The following DEPDC5 variants were observed in gnomAD, a reference collection of about 807,000 sequenced individuals.
DEPDC5 encodes the protein DEP domain containing 5, GATOR1 subcomplex subunit, also known as GATOR1 complex protein DEPDC5.
A neutral mutation model predicts 217.3 loss-of-function variants in DEPDC5; 73 were observed. The observed-to-expected ratio is 0.34, with a 90% CI of 0.28 to 0.41. The LOEUF (loss-of-function observed/expected upper bound fraction) is 0.41. Ranked by LOEUF, DEPDC5 falls within the 10% of genes least tolerant of loss-of-function variation. The probability of loss-of-function intolerance (pLI) is 1.00; values close to 1 mark genes in which losing one functional copy is unlikely to be tolerated. For missense variants in DEPDC5, 1,675 were observed against 2,070.1 expected (o/e 0.81, Z 3.70); for synonymous variants, 733 against 756.7 (o/e 0.97, Z 0.51).
chr22:31,765,180 G>T, intron 5 of DEPDC5, 120 bp downstream of exon 5: 2 of 762,398 alleles, frequency 2.6e-6, no homozygotes, highest in Non-Finnish European at 2.2e-6. Flanking sequence ...TGTGTGGCCT[G>T]CTAGGTGTGG....
chr22:31,858,786 T>C (rs1243564216), intron 32 of DEPDC5: 1 of 152,186 alleles, frequency 6.6e-6, no homozygotes, highest in African/African-American at 2.4e-5. Context: ...TTCTATAAAC[T>C]TTAAGAATTA....
At chr22:31,801,060 A>C (rs528941105) in intron 14 of DEPDC5, among the ~76,000 whole-genome samples, 1 of 151,556 alleles carries the variant, frequency 6.6e-6, no homozygotes, top group Admixed American at 6.6e-5. Flanking sequence ...TCGGAGGCTT[A>C]GGCAGCGGGA....
At chr22:31,768,769 TCTCCCTCC>T in intron 6 of DEPDC5, 37 bp from the exon 7 acceptor site, 1 of 1,490,456 alleles carries the variant, frequency 6.7e-7, no homozygotes, top group Non-Finnish European at 9.3e-7. Context: ...TCTCACCCTC[TCTCCCTCC>T]CTCCCTCTCT....
intron 30 of DEPDC5, 70 bp downstream of exon 30, chr22:31,845,307 G>A (rs2091663466): frequency 6.5e-7 from 1 of 1,535,840 alleles, no homozygotes; most frequent in Admixed American, 2.0e-5. Context: ...CTCTATTAGG[G>A]GCCTCTCATC....
rs376290668 is a variant in DEPDC5 at position 31,848,866 on chromosome 22, G to T, written c.3155+1899G>T. ...ACTTTGCCACTTAGAAATTTCTTCC[G>T]CCAGATACCCTAAATCATCTTCTCA... On this transcript the variant is annotated intron_variant, in intron 31 of 42. Coordinates refer to ENST00000651528, the MANE Select transcript of DEPDC5 (RefSeq NM_001242896.3). Among the ~76,000 whole-genome samples, 3 of 152,070 alleles carry T rather than the reference G, an allele frequency of 2.0e-5. No homozygotes were observed. The South Asian group carries it at 6.2e-4, about 32-fold the overall frequency.
At chr22:31,834,021 A>C (rs1192621103) in intron 25 of DEPDC5, 41 bp downstream of exon 25, 1 of 1,596,210 alleles carries the variant, frequency 6.3e-7, no homozygotes, top group Non-Finnish European at 8.6e-7. Context: ...GTAGACAGGG[A>C]GTGTGGGGTG....
chr22:31,776,742 T>G (rs554609027), intron 7 of DEPDC5, among the ~76,000 whole-genome samples: 1 of 151,390 alleles, frequency 6.6e-6, no homozygotes, highest in East Asian at 2.0e-4. Context: ...CCCATTTAAT[T>G]TTTTGTATTT....
chr22:31,799,094 A>C (rs1601939116), intron 14 of DEPDC5, among the ~76,000 whole-genome samples: 1 of 145,242 alleles, frequency 6.9e-6, no homozygotes, highest in Non-Finnish European at 1.5e-5. Flanking sequence ...GCCAGGCTGG[A>C]GTGCAGTGAT....
chr22:31,870,498 C>T (rs1007165218), intron 33 of DEPDC5, 92 bp from the exon 34 acceptor site: 1 of 1,310,692 alleles, frequency 7.6e-7, no homozygotes, highest in Non-Finnish European at 1.0e-6. Context: ...TTTGTGAATG[C>T]TTACTGAGTG....
chr22:31,804,692 G>A, intron 16 of DEPDC5, 150 bp from the exon 17 acceptor site: 1 of 703,286 alleles, frequency 1.4e-6, no homozygotes, highest in South Asian at 1.8e-5. Flanking sequence ...CGCCCGCCTT[G>A]GCCTCCCAAA....
Position 31,832,743 on chromosome 22 carries a change from G to A in DEPDC5, c.2105-1172G>A, listed in dbSNP as rs905527568. 2.6e-5 allele frequency among the ~76,000 whole-genome samples: 4 copies of A among 152,232 alleles called. No homozygotes were observed. The East Asian group carries it at 7.7e-4, about 29-fold the overall frequency. On this transcript the variant is annotated intron_variant, in intron 24 of 42. Coordinates refer to ENST00000651528, the MANE Select transcript of DEPDC5 (RefSeq NM_001242896.3). ...TACTTATGTTCCTTTTGCATATGTT[G>A]TTTGTCCTTTTCTCATTGGGTTGTT... is the stretch of plus-strand genomic sequence containing the variant.
Position 31,906,655 on chromosome 22 carries a change from T to TTTG in DEPDC5, c.*160_*161insGTT. 1.0e-6 allele frequency: 1 copy of TTTG among 1,003,756 alleles called. No individual in the cohort carries two copies. Among genetic ancestry groups the TTTG allele is most frequent in the Non-Finnish European group, 1.4e-6 (1 of 694,862 alleles). The allele number at this position is 1,003,756 out of a possible 1,614,324, so 62.2% of individuals were successfully genotyped here. A position where few individuals can be genotyped will look rare whatever the true frequency, so the allele number is the denominator to read the frequency against. ...GTTTGTTTGTTTGTTTGTTTGTTTG[T>TTTG]TTTTGGCCCCCACGACAAGTCTTCT... is the stretch of plus-strand genomic sequence containing the variant. On this transcript the variant is annotated 3_prime_UTR_variant, in exon 43 of 43. Coordinates refer to ENST00000651528, the MANE Select transcript of DEPDC5 (RefSeq NM_001242896.3). This position sits in a 1 kb window ranked among gnomAD's most constrained non-coding sequence, Gnocchi z 5.1.
intron 4 of DEPDC5, among the ~76,000 whole-genome samples, chr22:31,764,277 G>A (rs974649576): frequency 6.6e-6 from 1 of 152,028 alleles, no homozygotes. Flanking sequence ...CCTGCCCCAT[G>A]TTACGTTTCT....
chr22:31,839,355 C>T (rs941676106), intron 27 of DEPDC5, among the ~76,000 whole-genome samples: 16 of 152,136 alleles, frequency 1.1e-4, no homozygotes, highest in African/African-American at 2.9e-4. Flanking sequence ...AACAGAGAAT[C>T]GGTGTTGCTA....
Position 31,906,768 on chromosome 22 carries a change from G to A in DEPDC5, c.*271G>A, listed in dbSNP as rs2093766138. 1.9e-6 allele frequency: 1 copy of A among 535,698 alleles called. No individual in the cohort carries two copies. The allele number at this position is 535,698 out of a possible 1,614,324, so 33.2% of individuals were successfully genotyped here. On this transcript the variant is annotated 3_prime_UTR_variant, in exon 43 of 43. Coordinates refer to ENST00000651528, the MANE Select transcript of DEPDC5 (RefSeq NM_001242896.3). This position sits in a 1 kb window ranked among gnomAD's most constrained non-coding sequence, Gnocchi z 5.1. ...TCAGAGCAGGTGGGAGGCACAGATT[G>A]TCCGTGGGAGGGCTCCAGTGTCTGG...
chr22:31,850,666 C>T (rs1032297862), intron 31 of DEPDC5, among the ~76,000 whole-genome samples: 3 of 152,174 alleles, frequency 2.0e-5, no homozygotes, highest in African/African-American at 7.2e-5. Context: ...AATCCTAGCA[C>T]TTTGAGAGGC....
In DEPDC5 at chr22:31,792,027, G is replaced by A; in HGVS notation, c.625-6G>A. 1 of 1,606,374 alleles carries A rather than the reference G, an allele frequency of 6.2e-7. No homozygotes were observed. Among genetic ancestry groups the A allele is most frequent in the South Asian group, 1.1e-5 (1 of 90,912 alleles). On this transcript the variant is annotated splice_polypyrimidine_tract_variant and splice_region_variant and intron_variant, in intron 10 of 42. Coordinates refer to ENST00000651528, the MANE Select transcript of DEPDC5 (RefSeq NM_001242896.3). Reference sequence around the variant, plus strand: ...TTCAACCCTGTTGTTCTCTACTCATGCTTAGGAGAAGAACTGTAGTCATGA... The same window carrying A: ...TTCAACCCTGTTGTTCTCTACTCATACTTAGGAGAAGAACTGTAGTCATGA...
rs760737915 is a variant in DEPDC5 at position 31,906,476 on chromosome 22, G to A, written c.4791G>A (p.Lys1597=). 1.4e-5 allele frequency: 22 copies of A among 1,611,034 alleles called. No homozygotes were observed. Among genetic ancestry groups the A allele is most frequent in the Non-Finnish European group, 1.9e-5 (22 of 1,178,026 alleles). ...LVTFWTSCLE[K]MHASAP ...CGTTCTGGACAAGTTGCCTGGAGAA[G>A]ATGCATGCCAGTGCCCCGTGAGGCC... The change falls in exon 43 of 43, where the codon AAG becomes AAA. Residue 1597 remains lysine (K), a synonymous_variant. Transcript: ENST00000651528. This position sits in a 1 kb window ranked among gnomAD's most constrained non-coding sequence, Gnocchi z 5.1.
chr22:31,878,267 G>T (rs761705610), intron 37 of DEPDC5, among the ~76,000 whole-genome samples: 12 of 152,074 alleles, frequency 7.9e-5, no homozygotes, highest in Non-Finnish European at 1.6e-4. Flanking sequence ...TATGGCAGAA[G>T]TGGACGTGTG....
Sources: allele counts gnomAD v4.1 joint callset (sites outside exome capture counted in the v4.1 genomes callset), GRCh38; gene constraint gnomAD v4.1.1; non-coding constraint Gnocchi (gnomAD v3.1); transcripts MANE v1.5; gene names NCBI Gene and HGNC (gene_info 2026-07-23, HGNC 2026-07-21).